Variants in DLGAP2 observed in about 807,000 individuals in gnomAD.
DLGAP2 encodes disks large-associated protein 2.
In DLGAP2, 26 loss-of-function variants were observed where a neutral mutation model predicts 100.3. That is an observed-to-expected ratio of 0.26 (90% CI 0.19 to 0.36). The LOEUF (loss-of-function observed/expected upper bound fraction) is 0.36, where lower values mean the gene tolerates loss of function less well. DLGAP2 is among the 10% of genes least tolerant of loss of function. The pLI is 1.00. For missense variants in DLGAP2, 1,858 were observed against 1,453.2 expected (o/e 1.28, Z -4.53); for synonymous variants, 886 against 630.1 (o/e 1.41, Z -6.08).
intron 2 of DLGAP2, among the ~76,000 whole-genome samples, chr8:915,274 G>A (rs977089937): frequency 3.3e-5 from 5 of 152,222 alleles, no homozygotes; most frequent in African/African-American, 7.2e-5. Context: ...TGGGCTGGGC[G>A]CGGTGGCTCA....
intron 1 of DLGAP2, among the ~76,000 whole-genome samples, chr8:858,149 G>A (rs887719627): frequency 9.9e-5 from 15 of 152,178 alleles, no homozygotes; most frequent in African/African-American, 1.4e-4. Flanking sequence ...TAGCCACCGC[G>A]CCCAGTGCAC....
chr8:855,829 A>C, intron 1 of DLGAP2, among the ~76,000 whole-genome samples: 1 of 152,224 alleles, frequency 6.6e-6, no homozygotes, highest in East Asian at 1.9e-4. Flanking sequence ...GATGCAGAAA[A>C]GGCATTTGAA....
intron 3 of DLGAP2, among the ~76,000 whole-genome samples, chr8:1,418,440 A>C (rs1796996729): frequency 6.6e-6 from 1 of 152,180 alleles, no homozygotes; most frequent in Admixed American, 6.5e-5. Flanking sequence ...TTATTTCTGT[A>C]GTCGCTTAGC....
intron 1 of DLGAP2, among the ~76,000 whole-genome samples, chr8:905,075 C>A (rs1486564713): frequency 6.6e-6 from 1 of 152,062 alleles, no homozygotes; most frequent in Non-Finnish European, 1.5e-5. Flanking sequence ...GGGGTGAGCG[C>A]CTTTTTCGAA....
intron 2 of DLGAP2, among the ~76,000 whole-genome samples, chr8:996,408 G>A (rs562289970): frequency 5.3e-5 from 8 of 151,952 alleles, no homozygotes; most frequent in African/African-American, 1.9e-4. Flanking sequence ...TGTCCTCAGC[G>A]TGTGTGCTTT....
At chr8:985,958 T>A (rs111944368) in intron 2 of DLGAP2, among the ~76,000 whole-genome samples, 2 of 152,138 alleles carry the variant, frequency 1.3e-5, no homozygotes, top group African/African-American at 4.8e-5. Flanking sequence ...AAAAACTTCC[T>A]GAAGAAGATG....
intron 1 of DLGAP2, among the ~76,000 whole-genome samples, chr8:822,418 C>G (rs1293120652): frequency 2.0e-5 from 3 of 152,152 alleles, no homozygotes; most frequent in African/African-American, 7.2e-5. Context: ...CGGACACTGT[C>G]CACAGCTTCA....
chr8:1,280,980 G>C (rs927650482), intron 3 of DLGAP2, among the ~76,000 whole-genome samples: 1 of 152,182 alleles, frequency 6.6e-6, no homozygotes, highest in African/African-American at 2.4e-5. Flanking sequence ...ATGTGGACGA[G>C]GAATCCTTAC....
intron 2 of DLGAP2, among the ~76,000 whole-genome samples, chr8:908,855 G>A (rs1270362727): frequency 1.3e-5 from 2 of 152,148 alleles, no homozygotes; most frequent in Non-Finnish European, 2.9e-5. Flanking sequence ...GAGGTTTGCT[G>A]ACATTTTCTT....
At chr8:1,579,320 CAT>C (rs1313398771) in intron 6 of DLGAP2, among the ~76,000 whole-genome samples, 3 of 152,130 alleles carry the variant, frequency 2.0e-5, no homozygotes, top group South Asian at 2.1e-4. Context: ...TATACACACA[CAT>C]ATATGTGTGT....
chr8:1,136,777 G>A (rs1051807762), intron 2 of DLGAP2, among the ~76,000 whole-genome samples: 2 of 152,260 alleles, frequency 1.3e-5, no homozygotes, highest in South Asian at 2.1e-4. Context: ...CACACGGGGC[G>A]TGTTGGTGGT....
At chr8:1,443,041 C>G (rs1424816888) in intron 3 of DLGAP2, among the ~76,000 whole-genome samples, 2 of 152,176 alleles carry the variant, frequency 1.3e-5, no homozygotes, top group Non-Finnish European at 2.9e-5. Flanking sequence ...ACATTTAGTG[C>G]ATTTCTCTTT....
In DLGAP2 at chr8:1,668,357, G is replaced by T; in HGVS notation, c.1839G>T (p.Thr613=). Residue 613 remains threonine, a synonymous_variant, in exon 9 of 15, where the codon ACG becomes ACT. Coordinates refer to ENST00000637795, the MANE Select transcript of DLGAP2 (RefSeq NM_001346810.2). ...AAVSYTNYKK[T]PPPVPPRTTS... ...TCTCATATACAAATTACAAGAAAAC[G>T]CCCCCACCGGTGCCCCCTCGGACCA... 3.3e-6 allele frequency: 5 copies of T among 1,532,602 alleles called. No homozygotes were observed. The highest frequency in any genetic ancestry group is 2.2e-5 in the Admixed American group (1 of 45,150). 94.9% of individuals were successfully genotyped at this position (1,532,602 alleles called of 1,614,324 possible).
chr8:1,639,704 G>A (rs1797851675), intron 8 of DLGAP2, among the ~76,000 whole-genome samples: 1 of 152,210 alleles, frequency 6.6e-6, no homozygotes, highest in African/African-American at 2.4e-5. Context: ...GGTTCTGTGG[G>A]GCTAGCGTCA....
At chr8:1,169,027 A>C (rs1797073862) in intron 2 of DLGAP2, among the ~76,000 whole-genome samples, 8 of 149,396 alleles carry the variant, frequency 5.4e-5, no homozygotes, top group African/African-American at 2.0e-4. Flanking sequence ...CTAACGTTTA[A>C]GTCTTTAATC....
At chr8:1,122,292 G>C (rs1028013981) in intron 2 of DLGAP2, among the ~76,000 whole-genome samples, 1 of 152,168 alleles carries the variant, frequency 6.6e-6, no homozygotes, top group Non-Finnish European at 1.5e-5. Flanking sequence ...CACAGGTTTT[G>C]CCAGTTGGAT....
At chr8:1,022,743 C>G (rs1308043572) in intron 2 of DLGAP2, among the ~76,000 whole-genome samples, 1 of 146,484 alleles carries the variant, frequency 6.8e-6, no homozygotes, top group Middle Eastern at 3.9e-3. Context: ...GATGCTCCAA[C>G]CACAATCCAC....
intron 6 of DLGAP2, among the ~76,000 whole-genome samples, chr8:1,591,959 G>A (rs1480106248): frequency 6.6e-6 from 1 of 152,216 alleles, no homozygotes; most frequent in Non-Finnish European, 1.5e-5. Context: ...GTGGCATGCA[G>A]ACAGGCCTTG....
At chr8:877,478 C>G (rs1266349269) in intron 1 of DLGAP2, among the ~76,000 whole-genome samples, 4 of 152,242 alleles carry the variant, frequency 2.6e-5, no homozygotes, top group Non-Finnish European at 4.4e-5. Flanking sequence ...TTCTTCCTCT[C>G]TGTCCCTGAC....
Sources: gnomAD v4.1 joint callset for allele counts (sites outside exome capture counted in the v4.1 genomes callset) on GRCh38, gnomAD v4.1.1 for gene constraint, MANE v1.5 for transcripts, NCBI Gene and HGNC (gene_info 2026-07-23, HGNC 2026-07-21) for gene names.